The following TAF4B variants were observed in gnomAD, a reference collection of about 807,000 sequenced individuals.
TAF4B encodes the protein transcription initiation factor TFIID subunit 4B.
In TAF4B, 38 loss-of-function variants were observed where a neutral mutation model predicts 86.4. That is an observed-to-expected ratio of 0.44 (90% CI 0.34 to 0.58). The LOEUF is 0.58. Among genes scored for constraint, TAF4B ranks in the 20% least tolerant of loss-of-function variants. The probability of loss-of-function intolerance (pLI) is 0.02; values close to 1 mark genes in which losing one functional copy is unlikely to be tolerated. For synonymous variants in TAF4B, 388 were observed against 391.2 expected, an observed-to-expected ratio of 0.99 and a Z score of 0.10; for missense variants, 988 against 1,027.6, an observed-to-expected ratio of 0.96 and a Z score of 0.53.
chr18:26,390,083 C>A lies in TAF4B; in HGVS notation c.*71C>A. ...AGACACAAAGCATTGTTGCACTGTC[C>A]TGAAATTTCAATTTCTGGAAAATAA... On this transcript the variant is annotated 3_prime_UTR_variant, in exon 15 of 15. Transcript: ENST00000269142. The A allele has an allele frequency of 6.9e-7, 1 of 1,446,682 alleles. No individual in the cohort carries two copies. Among genetic ancestry groups the A allele is most frequent in the Non-Finnish European group, 9.3e-7 (1 of 1,078,934 alleles). The allele number at this position is 1,446,682 out of a possible 1,614,324, so 89.6% of individuals were successfully genotyped here.
chr18:26,383,640 A>G (rs1352129576), intron 14 of TAF4B, among the ~76,000 whole-genome samples: 1 of 152,194 alleles, frequency 6.6e-6, no homozygotes, highest in African/African-American at 2.4e-5. Flanking sequence ...CAGGCAGTAT[A>G]TTATCTCTAT....
intron 13 of TAF4B, among the ~76,000 whole-genome samples, chr18:26,337,577 C>T (rs1212374301): frequency 6.6e-6 from 1 of 151,908 alleles, no homozygotes; most frequent in South Asian, 2.1e-4. Context: ...CGCGTACCAC[C>T]GCATCCAGCT....
At position 26,260,222 on chromosome 18, in the gene TAF4B, T is replaced by G. The variant is rs950455874; in HGVS notation, c.344-4948T>G. Among the ~76,000 whole-genome samples the G allele has an allele frequency of 3.3e-4, 50 of 152,324 alleles. 1 individual carries two copies. Among genetic ancestry groups the G allele is most frequent in the African/African-American group, 1.1e-3 (44 of 41,572 alleles). On this transcript the variant is annotated intron_variant, in intron 1 of 14. Transcript: ENST00000269142. ...GTAGATTGCAAAAATTTTCTCCCAT[T>G]CTGTAGGTTGCCTGTTCACTCTGAT...
At chr18:26,366,350 A>G (rs1007393979) in intron 14 of TAF4B, 22 of 152,322 alleles carry the variant, frequency 1.4e-4, no homozygotes, top group African/African-American at 5.3e-4. Flanking sequence ...TGCAGGGACC[A>G]TGCTAATCTT....
At chr18:26,385,919 G>C (rs1978341326) in intron 14 of TAF4B, among the ~76,000 whole-genome samples, 1 of 152,082 alleles carries the variant, frequency 6.6e-6, no homozygotes, top group African/African-American at 2.4e-5. Flanking sequence ...AGAGTAGCTG[G>C]TTATTCTGGC....
chr18:26,336,663 T>C (rs1267621307), intron 13 of TAF4B, among the ~76,000 whole-genome samples: 2 of 152,192 alleles, frequency 1.3e-5, no homozygotes, highest in African/African-American at 4.8e-5. Flanking sequence ...TACCTATAAT[T>C]CTCTTTAAGC....
At chr18:26,370,825 A>T (rs1007528412) in intron 14 of TAF4B, among the ~76,000 whole-genome samples, 2 of 152,220 alleles carry the variant, frequency 1.3e-5, no homozygotes, top group African/African-American at 4.8e-5. Context: ...TGGCTTTAAC[A>T]GTTAATTCAG....
chr18:26,261,766 T>C (rs532057834), intron 1 of TAF4B, among the ~76,000 whole-genome samples: 1 of 152,338 alleles, frequency 6.6e-6, no homozygotes, highest in South Asian at 2.1e-4. Context: ...TGGTTTTCTT[T>C]GGTAAACTAG....
At chr18:26,246,511 G>A (rs2055926155) in intron 1 of TAF4B, among the ~76,000 whole-genome samples, 1 of 151,730 alleles carries the variant, frequency 6.6e-6, no homozygotes, top group African/African-American at 2.4e-5. Context: ...TTGTAATCTA[G>A]GCAAGTTATT....
intron 13 of TAF4B, among the ~76,000 whole-genome samples, 188 bp from the exon 14 acceptor site, chr18:26,357,502 T>G (rs532527202): frequency 7.2e-5 from 11 of 152,318 alleles, no homozygotes; most frequent in African/African-American, 2.6e-4. Context: ...ATATAGAGAT[T>G]AAGAACTAAA....
At chr18:26,341,843 G>A (rs1272738692) in intron 13 of TAF4B, among the ~76,000 whole-genome samples, 1 of 151,998 alleles carries the variant, frequency 6.6e-6, no homozygotes, top group African/African-American at 2.4e-5. Context: ...TTAAAAATTT[G>A]CAACTTGCTT....
chr18:26,289,176 T>TAG (rs2056561906), intron 7 of TAF4B, among the ~76,000 whole-genome samples: 1 of 19,818 alleles, frequency 5.0e-5, no homozygotes, highest in Non-Finnish European at 3.4e-4. Context: ...TTAATATTAC[T>TAG]CGTTTGAAAG....
intron 2 of TAF4B, 39 bp from the exon 3 acceptor site, chr18:26,267,477 T>G (rs747712531): frequency 7.4e-7 from 1 of 1,360,380 alleles, no homozygotes; most frequent in Non-Finnish European, 1.1e-6. Flanking sequence ...TTACTAACGC[T>G]AATGACTTTG....
At chr18:26,276,015 CAAAAAAAAAA>C (rs374826135) in intron 5 of TAF4B, among the ~76,000 whole-genome samples, 1 of 75,942 alleles carries the variant, frequency 1.3e-5, no homozygotes, top group Non-Finnish European at 2.7e-5. Context: ...GACTCTGTCT[CAAAAAAAAAA>C]AAAAAAAGAA....
intron 2 of TAF4B, 66 bp from the exon 3 acceptor site, chr18:26,267,450 G>T (rs2056254840): frequency 9.7e-7 from 1 of 1,030,512 alleles, no homozygotes; most frequent in Non-Finnish European, 1.5e-6. Flanking sequence ...AATGTTCACT[G>T]CAGTACTGAT....
At chr18:26,298,148 T>G (rs1285258417) in intron 9 of TAF4B, among the ~76,000 whole-genome samples, 1 of 151,318 alleles carries the variant, frequency 6.6e-6, no homozygotes, top group East Asian at 1.9e-4. Flanking sequence ...CATTTGTTCT[T>G]ATTGCCCATT....
intron 9 of TAF4B, among the ~76,000 whole-genome samples, chr18:26,305,351 A>G (rs1019936415): frequency 6.6e-6 from 1 of 152,190 alleles, no homozygotes; most frequent in Non-Finnish European, 1.5e-5. Flanking sequence ...CCTTTATCTT[A>G]TAGTAAATTC....
chr18:26,304,010 T>A lies in TAF4B; in HGVS notation c.1832+10479T>A, dbSNP rs117377109. Among the ~76,000 whole-genome samples, 13 of 152,256 alleles carry A rather than the reference T, an allele frequency of 8.5e-5. No individual in the cohort carries two copies. In the East Asian group the frequency reaches 1.9e-3, roughly 23 times the overall value. On this transcript the variant is annotated intron_variant, in intron 9 of 14. Coordinates refer to ENST00000269142, the MANE Select transcript of TAF4B (RefSeq NM_005640.3). Reference sequence around the variant, plus strand: ...TTTCTTGTTGTTATTATAAGTAATATTTTTGGTAACTGCCTTTTCTTTTAC... The same window carrying A: ...TTTCTTGTTGTTATTATAAGTAATAATTTTGGTAACTGCCTTTTCTTTTAC...
At chr18:26,295,256 G>A in intron 9 of TAF4B, 1 of 378,376 alleles carries the variant, frequency 2.6e-6, no homozygotes, top group South Asian at 2.0e-5. Flanking sequence ...GTCGTGTTCT[G>A]TCATCTCTTG....
Sources: gnomAD v4.1 joint callset for allele counts (sites outside exome capture counted in the v4.1 genomes callset) on GRCh38, gnomAD v4.1.1 for gene constraint, MANE v1.5 for transcripts, NCBI Gene and HGNC (gene_info 2026-07-23, HGNC 2026-07-21) for gene names.